Variants in RBBP8 observed in about 807,000 individuals in gnomAD.
RBBP8 encodes the protein DNA endonuclease RBBP8.
A neutral mutation model predicts 108.3 loss-of-function variants in RBBP8; 88 were observed. That is an observed-to-expected ratio of 0.81 (90% CI 0.68 to 0.97). The LOEUF is 0.97. Among genes scored for constraint, RBBP8 ranks in the 50% least tolerant of loss-of-function variants. The probability of loss-of-function intolerance (pLI) is 0.00; values close to 1 mark genes in which losing one functional copy is unlikely to be tolerated. For missense variants in RBBP8, 1,023 were observed against 1,049.0 expected (o/e 0.98, Z 0.34); for synonymous variants, 332 against 348.2 (o/e 0.95, Z 0.52).
intron 14 of RBBP8, among the ~76,000 whole-genome samples, chr18:22,998,321 G>T (rs2045894376): frequency 6.6e-6 from 1 of 152,192 alleles, no homozygotes; most frequent in African/African-American, 2.4e-5. Flanking sequence ...TATATGCTGA[G>T]TTAATCTGCT....
intron 3 of RBBP8, among the ~76,000 whole-genome samples, chr18:22,922,276 C>T (rs925616908): frequency 1.3e-5 from 2 of 151,950 alleles, no homozygotes; most frequent in African/African-American, 4.8e-5. Flanking sequence ...TTTTGTTTAA[C>T]TTGAATTTCT....
chr18:22,938,003 T>A (rs1054481240), intron 2 of RBBP8, among the ~76,000 whole-genome samples: 1 of 151,910 alleles, frequency 6.6e-6, no homozygotes, highest in African/African-American at 2.4e-5. Flanking sequence ...TTTTATGTAT[T>A]TTTTGTAGAG....
intron 1 of RBBP8, chr18:22,914,384 A>C (rs915637012): frequency 6.6e-6 from 1 of 151,950 alleles, no homozygotes; most frequent in Non-Finnish European, 1.5e-5. Context: ...TAAAAAGATA[A>C]TCAATTTTTA....
At chr18:22,961,917 T>G (rs1179297589) in intron 4 of RBBP8, among the ~76,000 whole-genome samples, 1 of 152,234 alleles carries the variant, frequency 6.6e-6, no homozygotes, top group Admixed American at 6.5e-5. Context: ...TAGGTGGTTT[T>G]GAGAAATAGC....
intron 7 of RBBP8, among the ~76,000 whole-genome samples, chr18:22,984,083 AAATAAT>A (rs926054435): frequency 3.3e-5 from 5 of 151,874 alleles, no homozygotes; most frequent in African/African-American, 9.7e-5. Flanking sequence ...TCCATCTCAA[AAATAAT>A]AATAATAATA....
chr18:22,924,173 G>A (rs8089267), intron 3 of RBBP8, among the ~76,000 whole-genome samples: 24,642 of 127,078 alleles, frequency 0.19, 2,727 homozygotes, highest in African/African-American at 0.35. Context: ...TCTGTCATCA[G>A]GCTGGAGTGC....
At chr18:22,955,744 A>AT (rs200590496) in intron 4 of RBBP8, among the ~76,000 whole-genome samples, 31,696 of 150,900 alleles carry the variant, frequency 0.21, 3,575 homozygotes, top group East Asian at 0.4. Flanking sequence ...CGCCCGGCTA[A>AT]TTTTTTTTTG....
chr18:22,942,220 T>C (rs1209708036), intron 2 of RBBP8, among the ~76,000 whole-genome samples: 1 of 152,020 alleles, frequency 6.6e-6, no homozygotes, highest in South Asian at 2.1e-4. Context: ...CAGTAAAAAA[T>C]AAAAGAGAAA....
chr18:23,001,655 C>G lies in RBBP8; in HGVS notation c.2213C>G (p.Ser738Cys), dbSNP rs1399456903. The G allele has an allele frequency of 3.7e-6, 6 of 1,614,038 alleles. No homozygotes were observed. The highest frequency in any genetic ancestry group is 5.1e-6 in the Non-Finnish European group (6 of 1,179,996). The change falls in exon 15 of 19, where the codon TCC (serine) becomes TGC (cysteine). Residue 738 changes from serine (S) to cysteine (C), a missense_variant. By Grantham distance (112) the Ser-to-Cys change is moderately radical. Transcript: ENST00000327155. The part of the protein sequence containing the change: ...FDRTTHEEYE[S>C]CLADSFSQAA... ...CGGACAACACATGAAGAGTATGAATCCTGTTTGGCAGACAGTTTCTCCCAA... is the reference window on the plus strand; with the variant it reads ...CGGACAACACATGAAGAGTATGAATGCTGTTTGGCAGACAGTTTCTCCCAA...
intron 16 of RBBP8, among the ~76,000 whole-genome samples, chr18:23,013,667 G>A (rs1388018753): frequency 1.3e-5 from 2 of 152,172 alleles, no homozygotes; most frequent in African/African-American, 4.8e-5. Flanking sequence ...TTTTGGGAAG[G>A]AGCTGATAAT....
chr18:22,951,453 CAGGATCTGTGTAGAAAAAAAAACCA>C (rs948754785), intron 4 of RBBP8, among the ~76,000 whole-genome samples: 74 of 152,296 alleles, frequency 4.9e-4, no homozygotes, highest in Admixed American at 1.4e-3. Flanking sequence ...TGAGTAACCA[CAGGATCTGTGTAGAAAAAAAAACCA>C]AACGCAGCTT....
rs546790921 is a variant in RBBP8 at position 22,964,267 on chromosome 18, T to A, written c.249-4539T>A. On this transcript the variant is annotated intron_variant, in intron 4 of 18. Coordinates refer to ENST00000327155, the MANE Select transcript of RBBP8 (RefSeq NM_002894.3). ...TGTGTACTCTTTAAAAAGAAAAAAA[T>A]TTCTTCTGAACGCTTATGGGCTCTT... Among the ~76,000 whole-genome samples, 4 of 152,210 alleles carry A rather than the reference T, an allele frequency of 2.6e-5. No homozygotes were observed. The East Asian group carries it at 5.8e-4, about 22-fold the overall frequency.
intron 13 of RBBP8, among the ~76,000 whole-genome samples, chr18:22,997,165 T>A (rs1399475110): frequency 6.6e-6 from 1 of 152,252 alleles, no homozygotes; most frequent in African/African-American, 2.4e-5. Flanking sequence ...TTTTTTGTCT[T>A]GTATTTAGCT....
upstream of RBBP8, among the ~76,000 whole-genome samples, chr18:22,932,527 G>T (rs528630609): frequency 2.0e-5 from 3 of 152,076 alleles, no homozygotes; most frequent in Non-Finnish European, 2.9e-5. Context: ...TTTCCACTTT[G>T]TATTTATGAT....
chr18:22,977,196 AGTTTTGTTTT>A (rs113914634), intron 6 of RBBP8, among the ~76,000 whole-genome samples: 26,257 of 151,840 alleles, frequency 0.17, 3,062 homozygotes, highest in African/African-American at 0.34. Context: ...TTTGCTCAGC[AGTTTTGTTTT>A]GTTTTGTTTT....
intron 15 of RBBP8, among the ~76,000 whole-genome samples, chr18:23,005,665 G>A (rs762586294): frequency 3.3e-5 from 5 of 151,880 alleles, no homozygotes; most frequent in East Asian, 3.9e-4. Flanking sequence ...CACCCACCTC[G>A]GCCTCCCAAA....
chr18:22,919,802 G>A (rs911671489), intron 3 of RBBP8, among the ~76,000 whole-genome samples: 2 of 151,866 alleles, frequency 1.3e-5, no homozygotes, highest in African/African-American at 2.4e-5. Context: ...TCCACCCTCC[G>A]TGGCCTCCCA....
intron 18 of RBBP8, among the ~76,000 whole-genome samples, chr18:23,024,181 G>A (rs1200865566): frequency 1.3e-5 from 2 of 150,064 alleles, no homozygotes; most frequent in African/African-American, 2.5e-5. Flanking sequence ...CACCACGCCC[G>A]GCCTGAAGGG....
chr18:22,932,148 A>G (rs1405632683), upstream of RBBP8, among the ~76,000 whole-genome samples: 1 of 152,200 alleles, frequency 6.6e-6, no homozygotes, highest in East Asian at 1.9e-4. Context: ...TTAGAGAGTG[A>G]GACACAGGCA....
Sources: allele counts gnomAD v4.1 joint callset (sites outside exome capture counted in the v4.1 genomes callset), GRCh38; gene constraint gnomAD v4.1.1; transcripts MANE v1.5; gene names NCBI Gene and HGNC (gene_info 2026-07-23, HGNC 2026-07-21).